Variants in ASXL3 observed in about 807,000 individuals in gnomAD.
ASXL3 encodes putative Polycomb group protein ASXL3.
ASXL3 carries 34 observed loss-of-function variants against 170.6 expected under a neutral mutation model. That is an observed-to-expected ratio of 0.20 (90% CI 0.15 to 0.27). The LOEUF is 0.27. Ranked by LOEUF, ASXL3 falls within the 10% of genes least tolerant of loss-of-function variation. The pLI, the probability that ASXL3 is intolerant of heterozygous loss-of-function variation, is 1.00. For synonymous variants in ASXL3, 1,002 were observed against 989.1 expected, an observed-to-expected ratio of 1.01 and a Z score of -0.24; for missense variants, 2,592 against 2,695.3, an observed-to-expected ratio of 0.96 and a Z score of 0.85.
chr18:33,722,654 C>T (rs983717815), intron 8 of ASXL3, among the ~76,000 whole-genome samples: 4 of 152,066 alleles, frequency 2.6e-5, no homozygotes, highest in East Asian at 1.9e-4. Flanking sequence ...CAAGGTGAAA[C>T]GGCAGTGGCT....
At position 33,743,232 on chromosome 18, in the gene ASXL3, G is replaced by A. The variant is rs193209721; in HGVS notation, c.3384G>A (p.Arg1128=). 1.4e-4 allele frequency: 219 copies of A among 1,613,912 alleles called. No homozygotes were observed. The highest frequency in any genetic ancestry group is 1.7e-4 in the Non-Finnish European group (200 of 1,179,840). Residue 1128 remains arginine (R), a synonymous_variant, in exon 12 of 12, where the codon CGG becomes CGA. Coordinates refer to ENST00000269197, the MANE Select transcript of ASXL3 (RefSeq NM_030632.3). Reference sequence around the variant, plus strand: ...TCTTCCAGACCTCTAAAGAGACCCGGTTGCCTCCTCCGCTCAGCTCAAAGG... The same window carrying A: ...TCTTCCAGACCTCTAAAGAGACCCGATTGCCTCCTCCGCTCAGCTCAAAGG... The part of the protein sequence containing the change: ...AHLFQTSKET[R]LPPPLSSKEG...
At chr18:33,581,933 C>G (rs892108645) in intron 1 of ASXL3, among the ~76,000 whole-genome samples, 5 of 151,908 alleles carry the variant, frequency 3.3e-5, no homozygotes, top group African/African-American at 1.2e-4. Flanking sequence ...TCTTTTTTTC[C>G]CCTTCTTTTT....
chr18:33,726,671 A>G (rs1301688904), intron 8 of ASXL3, among the ~76,000 whole-genome samples: 1 of 152,190 alleles, frequency 6.6e-6, no homozygotes, highest in Non-Finnish European at 1.5e-5. Flanking sequence ...AATTGAAATC[A>G]CATATGTGAC....
chr18:33,651,463 G>A (rs2065997443), intron 4 of ASXL3, among the ~76,000 whole-genome samples: 1 of 151,956 alleles, frequency 6.6e-6, no homozygotes, highest in South Asian at 2.1e-4. Context: ...TTGGAAAGGA[G>A]GGAGAGAGGG....
chr18:33,618,230 C>G (rs1437019968), intron 2 of ASXL3, among the ~76,000 whole-genome samples: 1 of 152,060 alleles, frequency 6.6e-6, no homozygotes, highest in Non-Finnish European at 1.5e-5. Flanking sequence ...CTTACACACC[C>G]AAGCAAAAAT....
At chr18:33,639,447 A>C (rs1468254959) in intron 2 of ASXL3, among the ~76,000 whole-genome samples, 1 of 152,078 alleles carries the variant, frequency 6.6e-6, no homozygotes, top group Non-Finnish European at 1.5e-5. Context: ...GTAGAGGAAC[A>C]ATTGTCAGTG....
chr18:33,599,258 A>G (rs1324269720), intron 1 of ASXL3, among the ~76,000 whole-genome samples: 1 of 152,184 alleles, frequency 6.6e-6, no homozygotes, highest in Non-Finnish European at 1.5e-5. Flanking sequence ...GAAGATGCAT[A>G]TGTTAGAGCT....
At chr18:33,598,141 T>C (rs568852783) in intron 1 of ASXL3, among the ~76,000 whole-genome samples, 6 of 152,188 alleles carry the variant, frequency 3.9e-5, no homozygotes, top group Non-Finnish European at 8.8e-5. Flanking sequence ...ATTGTATTAA[T>C]CCTACATCTG....
At chr18:33,741,947 G>C (rs2067670669) in intron 11 of ASXL3, among the ~76,000 whole-genome samples, 2 of 152,228 alleles carry the variant, frequency 1.3e-5, no homozygotes, top group African/African-American at 4.8e-5. Context: ...AATGCTGGCT[G>C]TTAGACCTTG....
intron 2 of ASXL3, among the ~76,000 whole-genome samples, chr18:33,608,511 G>A (rs2065284078): frequency 6.6e-6 from 1 of 151,856 alleles, no homozygotes. Context: ...TTATTCTTGG[G>A]TATTAATTTT....
Position 33,744,814 on chromosome 18 carries a change from C to T in ASXL3, c.4966C>T (p.His1656Tyr), listed in dbSNP as rs781140189. ...HANYLNVSELHPRNLVTNVAL... is the reference protein window; with the variant it reads ...HANYLNVSELYPRNLVTNVAL... Reference sequence around the variant, plus strand: ...CAACTACTTGAACGTGTCAGAACTTCATCCCAGGAATCTTGTAACAAATGT... The same window carrying T: ...CAACTACTTGAACGTGTCAGAACTTTATCCCAGGAATCTTGTAACAAATGT... The change falls in exon 12 of 12, where the codon CAT (histidine) becomes TAT (tyrosine). Residue 1656 changes from histidine to tyrosine, a missense_variant. Coordinates refer to ENST00000269197, the MANE Select transcript of ASXL3 (RefSeq NM_030632.3). 12 of 1,613,930 alleles carry T rather than the reference C, an allele frequency of 7.4e-6. No homozygotes were observed. The highest frequency in any genetic ancestry group is 9.3e-6 in the Non-Finnish European group (11 of 1,179,900).
At chr18:33,606,098 C>T (rs2065245058) in intron 1 of ASXL3, among the ~76,000 whole-genome samples, 4 of 151,846 alleles carry the variant, frequency 2.6e-5, no homozygotes, top group African/African-American at 2.4e-5. Flanking sequence ...CTCTTCTACT[C>T]TTTCCTTCTT....
At chr18:33,714,353 C>G (rs2067129768) in intron 8 of ASXL3, among the ~76,000 whole-genome samples, 1 of 152,108 alleles carries the variant, frequency 6.6e-6, no homozygotes, top group African/African-American at 2.4e-5. Flanking sequence ...CATGGAATCA[C>G]TACTCATCCA....
At chr18:33,607,180 C>T (rs573043841) in intron 1 of ASXL3, among the ~76,000 whole-genome samples, 16 of 151,918 alleles carry the variant, frequency 1.1e-4, no homozygotes, top group Non-Finnish European at 1.6e-4. Flanking sequence ...ACCAGCACTC[C>T]GTTCTCTTCT....
At chr18:33,621,662 TTGG>T (rs1004262532) in intron 2 of ASXL3, among the ~76,000 whole-genome samples, 1 of 152,004 alleles carries the variant, frequency 6.6e-6, no homozygotes, top group African/African-American at 2.4e-5. Context: ...CCACCATGGG[TTGG>T]TGGAGAGAGC....
intron 1 of ASXL3, among the ~76,000 whole-genome samples, chr18:33,595,102 A>G (rs780084018): frequency 3.9e-5 from 6 of 152,178 alleles, no homozygotes; most frequent in African/African-American, 1.4e-4. Flanking sequence ...TATTTTTAAA[A>G]TGTTAGTCCT....
chr18:33,601,785 G>GTTTATATATATATA (rs376654969), intron 1 of ASXL3, among the ~76,000 whole-genome samples: 5 of 103,952 alleles, frequency 4.8e-5, no homozygotes, highest in East Asian at 4.3e-4. Context: ...ATATCTGATT[G>GTTTATATATATATA]TATATATATA....
chr18:33,716,895 G>GC (rs1189866566), intron 8 of ASXL3, among the ~76,000 whole-genome samples: 11 of 75,192 alleles, frequency 1.5e-4, no homozygotes, highest in African/African-American at 9.1e-4. Context: ...AGATTTGCTG[G>GC]TTAAAAAAAA....
intron 8 of ASXL3, among the ~76,000 whole-genome samples, chr18:33,713,047 G>A (rs554913201): frequency 1.3e-5 from 2 of 151,800 alleles, no homozygotes; most frequent in Non-Finnish European, 2.9e-5. Flanking sequence ...TACATCACAC[G>A]TGCTCACGTT....
Sources: gnomAD v4.1 joint callset for allele counts (sites outside exome capture counted in the v4.1 genomes callset) on GRCh38, gnomAD v4.1.1 for gene constraint, MANE v1.5 for transcripts, NCBI Gene and HGNC (gene_info 2026-07-23, HGNC 2026-07-21) for gene names.